TLL2: variants seen among roughly 807,000 people sequenced by gnomAD.
TLL2 encodes the protein tolloid-like protein 2.
Under a neutral mutation model 123.0 loss-of-function variants are expected in TLL2, and 106 were observed. The ratio of observed to expected loss-of-function variants is 0.86; its 90% CI spans 0.74 to 1.01. TLL2 has a LOEUF of 1.01. Among genes scored for constraint, TLL2 ranks in the 50% least tolerant of loss-of-function variants. TLL2 has a pLI of 0.00. For synonymous variants in TLL2, 494 were observed against 516.8 expected, an observed-to-expected ratio of 0.96 and a Z score of 0.60; for missense variants, 1,332 against 1,336.7, an observed-to-expected ratio of 1.00 and a Z score of 0.06.
chr10:96,487,104 C>G (rs930953578), intron 1 of TLL2, among the ~76,000 whole-genome samples: 2 of 152,236 alleles, frequency 1.3e-5, no homozygotes, highest in Admixed American at 6.5e-5. Context: ...AGTGCCATCA[C>G]TGAAGAGCTG....
intron 13 of TLL2, among the ~76,000 whole-genome samples, chr10:96,394,400 G>T (rs1208636973): frequency 6.6e-6 from 1 of 152,140 alleles, no homozygotes; most frequent in African/African-American, 2.4e-5. Flanking sequence ...AGCAGAGAAG[G>T]AGGACCTGCC....
rs1029557054 is a variant in TLL2 at position 96,513,563 on chromosome 10, G to A, written c.123C>T (p.Gly41=). The A allele has an allele frequency of 6.2e-7, 1 of 1,611,668 alleles. No individual in the cohort carries two copies. Among genetic ancestry groups the A allele is most frequent in the Non-Finnish European group, 8.5e-7 (1 of 1,179,784 alleles). The change falls in exon 1 of 21, where the codon GGC becomes GGT. Residue 41 remains glycine, a synonymous_variant. Coordinates refer to ENST00000357947, the MANE Select transcript of TLL2 (RefSeq NM_012465.4). Reference sequence around the variant, plus strand: ...CCAGCTGCTGCTCCGTGCCCTCCTCGCCGTCCAGCTCTGAGTAGTCTGCGG... The same window carrying A: ...CCAGCTGCTGCTCCGTGCCCTCCTCACCGTCCAGCTCTGAGTAGTCTGCGG... ...DATADYSELD[G]EEGTEQQLEH...
intron 1 of TLL2, among the ~76,000 whole-genome samples, chr10:96,499,923 C>T (rs1291996288): frequency 6.6e-6 from 1 of 151,818 alleles, no homozygotes; most frequent in African/African-American, 2.4e-5. Flanking sequence ...TACTTTTCTC[C>T]AACCAGCAAC....
intron 1 of TLL2, among the ~76,000 whole-genome samples, chr10:96,509,116 G>A (rs1309378878): frequency 6.6e-6 from 1 of 152,172 alleles, no homozygotes; most frequent in Non-Finnish European, 1.5e-5. Flanking sequence ...ACAGGTCCCA[G>A]GCAACAGACA....
At chr10:96,445,798 C>T (rs1846892825) in intron 3 of TLL2, among the ~76,000 whole-genome samples, 1 of 152,146 alleles carries the variant, frequency 6.6e-6, no homozygotes, top group Non-Finnish European at 1.5e-5. Context: ...CCACAGACTT[C>T]AGTGCTTCTA....
At chr10:96,472,695 G>A (rs1213124221) in intron 2 of TLL2, among the ~76,000 whole-genome samples, 3 of 152,012 alleles carry the variant, frequency 2.0e-5, no homozygotes, top group Non-Finnish European at 4.4e-5. Context: ...CCAGGAGGTT[G>A]AGGCTGCAGT....
chr10:96,406,580 G>A (rs1476655884), intron 9 of TLL2, among the ~76,000 whole-genome samples: 1 of 152,090 alleles, frequency 6.6e-6, no homozygotes, highest in Non-Finnish European at 1.5e-5. Context: ...CCCTTAGGCT[G>A]GAAGGCTTCC....
chr10:96,373,557 G>T, intron 19 of TLL2, 39 bp downstream of exon 19: 1 of 1,585,276 alleles, frequency 6.3e-7, no homozygotes, highest in Non-Finnish European at 8.7e-7. Flanking sequence ...TCCTGTCCAA[G>T]TGCTCATCAG....
rs1846704928 is a variant in TLL2 at position 96,428,766 on chromosome 10, G to A, written c.521-18C>T. The A allele has an allele frequency of 1.3e-6, 2 of 1,504,152 alleles. No individual in the cohort carries two copies. The highest frequency in any genetic ancestry group is 2.8e-5 in the African/African-American group (2 of 72,016). The allele number at this position is 1,504,152 out of a possible 1,614,324, so 93.2% of individuals were successfully genotyped here. ...CTGGCTCCCTGAAACAACAGGGCAA[G>A]CACTCGACTTCAATGATGGGTCCAT... On this transcript the variant is annotated intron_variant, in intron 4 of 20. Coordinates refer to ENST00000357947, the MANE Select transcript of TLL2 (RefSeq NM_012465.4).
chr10:96,460,940 CTTGGACT>C (rs1362394573), intron 2 of TLL2, among the ~76,000 whole-genome samples: 2 of 152,204 alleles, frequency 1.3e-5, no homozygotes, highest in African/African-American at 2.4e-5. Flanking sequence ...GCACCTTGAT[CTTGGACT>C]TCCCAGCCTC....
intron 1 of TLL2, among the ~76,000 whole-genome samples, chr10:96,500,144 C>A (rs1467039071): frequency 4.1e-5 from 5 of 120,772 alleles, no homozygotes; most frequent in African/African-American, 6.2e-5. Flanking sequence ...AAATCTCTAC[C>A]AAAAAAAAAA....
intron 18 of TLL2, chr10:96,374,399 C>A (rs11818883): frequency 0.15 from 23,597 of 158,346 alleles, 1,869 homozygotes; most frequent in South Asian, 0.23. Flanking sequence ...GCATCAGAGA[C>A]CCTGCTGTTG....
chr10:96,511,474 G>A (rs1847631294), intron 1 of TLL2, among the ~76,000 whole-genome samples: 1 of 152,208 alleles, frequency 6.6e-6, no homozygotes, highest in African/African-American at 2.4e-5. Flanking sequence ...GTCTGAGGAG[G>A]GTGCCTGCAG....
At chr10:96,428,307 G>A (rs1280663240) in intron 5 of TLL2, among the ~76,000 whole-genome samples, 3 of 152,128 alleles carry the variant, frequency 2.0e-5, no homozygotes, top group Non-Finnish European at 4.4e-5. Context: ...AAAGCCCACC[G>A]CTTCATCAGA....
chr10:96,409,783 C>T (rs1037683727), intron 9 of TLL2, among the ~76,000 whole-genome samples: 3 of 152,186 alleles, frequency 2.0e-5, no homozygotes, highest in Admixed American at 6.5e-5. Flanking sequence ...ATTCCCTGTC[C>T]ACACAGCTCT....
At chr10:96,494,984 AT>A (rs1486883086) in intron 1 of TLL2, among the ~76,000 whole-genome samples, 1 of 152,168 alleles carries the variant, frequency 6.6e-6, no homozygotes, top group Non-Finnish European at 1.5e-5. Context: ...TTGGAAACCA[AT>A]GGAGTCCATG....
chr10:96,396,104 C>A (rs1369530378), intron 11 of TLL2, 84 bp from the exon 12 acceptor site: 12 of 1,523,026 alleles, frequency 7.9e-6, no homozygotes, highest in African/African-American at 1.4e-5. Context: ...GCGGGGGGAA[C>A]AGCGCTTGCC....
intron 2 of TLL2, among the ~76,000 whole-genome samples, chr10:96,467,011 A>G (rs1847138342): frequency 6.6e-6 from 1 of 152,176 alleles, no homozygotes; most frequent in African/African-American, 2.4e-5. Context: ...TTTTATAAAA[A>G]ATTAGTTTAG....
intron 13 of TLL2, among the ~76,000 whole-genome samples, chr10:96,392,721 C>T (rs1564897259): frequency 6.6e-6 from 1 of 152,190 alleles, no homozygotes; most frequent in African/African-American, 2.4e-5. Context: ...AGAATAAGGC[C>T]TTCCAAAGCT....
Sources: gnomAD v4.1 joint callset for allele counts (sites outside exome capture counted in the v4.1 genomes callset) on GRCh38, gnomAD v4.1.1 for gene constraint, MANE v1.5 for transcripts, NCBI Gene and HGNC (gene_info 2026-07-23, HGNC 2026-07-21) for gene names.